Variants in TMEM132C observed in about 807,000 individuals in gnomAD.
TMEM132C encodes the protein transmembrane protein 132C, also known as protein phosphatase 1, regulatory subunit 152.
A neutral mutation model predicts 61.4 loss-of-function variants in TMEM132C; 29 were observed. The ratio of observed to expected loss-of-function variants is 0.47; its 90% CI spans 0.35 to 0.64. The LOEUF (loss-of-function observed/expected upper bound fraction) is 0.64. Ranked by LOEUF, TMEM132C falls within the 30% of genes least tolerant of loss-of-function variation. TMEM132C has a pLI of 0.00. For synonymous variants in TMEM132C, 656 were observed against 633.1 expected (o/e 1.04, Z -0.54); for missense variants, 1,408 against 1,476.9 (o/e 0.95, Z 0.76).
At chr12:128,404,763 G>A (rs1302723962) in intron 1 of TMEM132C, 1 of 152,226 alleles carries the variant, frequency 6.6e-6, no homozygotes, top group Admixed American at 6.5e-5. Context: ...TTAGTGGAAA[G>A]GCTCGTTCTC....
intron 4 of TMEM132C, among the ~76,000 whole-genome samples, chr12:128,622,354 AAAAAAAATATATATATAT>A (rs1397480038): frequency 6.0e-5 from 4 of 66,258 alleles, no homozygotes; most frequent in African/African-American, 2.5e-4. Context: ...AAAAAAAAAA[AAAAAAAATATATATATAT>A]ATATATATAT....
At position 128,483,316 on chromosome 12, in the gene TMEM132C, A is replaced by AGTGGAGGAGGGGGGAGGGGAGGAGAGGG. The variant is rs143228619; in HGVS notation, c.975-60640_975-60639insTGGAGGAGGGGGGAGGGGAGGAGAGGGG. 5.3e-5 allele frequency among the ~76,000 whole-genome samples: 4 copies of AGTGGAGGAGGGGGGAGGGGAGGAGAGGG among 74,840 alleles called. 1 individual carries two copies. The highest frequency in any genetic ancestry group is 8.2e-5 in the Non-Finnish European group (3 of 36,808). The allele number at this position is 74,840 out of a possible 152,430, so 49.1% of individuals were successfully genotyped here. ...GAAAGAGAGAGGGGGAGGTGAGGGG[A>AGTGGAGGAGGGGGGAGGGGAGGAGAGGG]GAGGAGGGGAGGGTGGAGGAAGAAG... On this transcript the variant is annotated intron_variant, in intron 2 of 8. Transcript: ENST00000435159.
intron 1 of TMEM132C, among the ~76,000 whole-genome samples, chr12:128,272,479 C>T (rs1870555855): frequency 6.6e-6 from 1 of 152,112 alleles, no homozygotes; most frequent in African/African-American, 2.4e-5. Context: ...AAATATTCAC[C>T]AACAATCTTC....
intron 4 of TMEM132C, among the ~76,000 whole-genome samples, chr12:128,624,543 CAAA>C (rs752979852): frequency 6.1e-5 from 2 of 32,898 alleles, no homozygotes; most frequent in South Asian, 1.2e-3. Context: ...GACTCCATCT[CAAA>C]AAAAAAAAAA....
intron 1 of TMEM132C, among the ~76,000 whole-genome samples, chr12:128,336,196 ATTC>A (rs200999562): frequency 0.04 from 6,127 of 152,264 alleles, 422 homozygotes; most frequent in African/African-American, 0.14. Context: ...ATAAAATAGA[ATTC>A]TTCTTGAGTT....
chr12:128,364,370 G>T (rs150573124), intron 1 of TMEM132C, among the ~76,000 whole-genome samples: 84 of 139,036 alleles, frequency 6.0e-4, no homozygotes, highest in African/African-American at 2.1e-3. Flanking sequence ...AGCTAAGCTC[G>T]CAGAGTCTTT....
intron 1 of TMEM132C, among the ~76,000 whole-genome samples, chr12:128,318,018 A>G (rs1413322398): frequency 6.6e-6 from 1 of 152,238 alleles, no homozygotes; most frequent in African/African-American, 2.4e-5. Flanking sequence ...GAAAGAGGAC[A>G]GTGTATGTGA....
chr12:128,494,339 C>G (rs7967557), intron 2 of TMEM132C, among the ~76,000 whole-genome samples: 52,545 of 152,014 alleles, frequency 0.35, 9,500 homozygotes, highest in East Asian at 0.58. Context: ...CCAGGCTTTG[C>G]TATCAGGATG....
At chr12:128,473,902 A>T (rs1300164856) in intron 2 of TMEM132C, among the ~76,000 whole-genome samples, 1 of 152,222 alleles carries the variant, frequency 6.6e-6, no homozygotes, top group East Asian at 1.9e-4. Flanking sequence ...TCTCCAAAGA[A>T]GGTCACATTG....
intron 2 of TMEM132C, among the ~76,000 whole-genome samples, chr12:128,505,964 G>T (rs896055815): frequency 2.6e-5 from 4 of 152,152 alleles, no homozygotes; most frequent in African/African-American, 9.7e-5. Flanking sequence ...ATCAGAATGG[G>T]CTGTGTTCTG....
rs1871424015 is a variant in TMEM132C at position 128,296,634 on chromosome 12, T to A, written c.85+29147T>A. ...TGTAGCCAGTCACTAGAAAGGGAGC[T>A]GGATTCGCCTTAAAGGGATAGATAG... On this transcript the variant is annotated intron_variant, in intron 1 of 8. Coordinates refer to ENST00000435159, the MANE Select transcript of TMEM132C (RefSeq NM_001136103.3). Among the ~76,000 whole-genome samples the A allele has an allele frequency of 2.6e-5, 4 of 152,284 alleles. No individual in the cohort carries two copies. In the South Asian group the frequency reaches 8.3e-4, roughly 32 times the overall value.
intron 1 of TMEM132C, among the ~76,000 whole-genome samples, chr12:128,352,354 G>T (rs1366455712): frequency 6.6e-6 from 1 of 152,136 alleles, no homozygotes; most frequent in Non-Finnish European, 1.5e-5. Context: ...GATCTCGTGA[G>T]AACTTACTCA....
chr12:128,527,851 C>T (rs1300426519), intron 2 of TMEM132C, among the ~76,000 whole-genome samples: 1 of 152,052 alleles, frequency 6.6e-6, no homozygotes, highest in Non-Finnish European at 1.5e-5. Context: ...CAGGGATCAA[C>T]CACTCACTCT....
intron 1 of TMEM132C, among the ~76,000 whole-genome samples, chr12:128,399,354 T>A (rs1011247542): frequency 6.6e-6 from 1 of 152,236 alleles, no homozygotes; most frequent in Non-Finnish European, 1.5e-5. Flanking sequence ...TCAGGGTTAA[T>A]GTAAGTTTCC....
intron 1 of TMEM132C, among the ~76,000 whole-genome samples, chr12:128,340,236 T>C (rs918025781): frequency 5.3e-5 from 8 of 152,142 alleles, no homozygotes; most frequent in East Asian, 3.9e-4. Flanking sequence ...AGTGTTCACA[T>C]TGAAAATGTT....
chr12:128,340,239 A>G (rs1872912789), intron 1 of TMEM132C, among the ~76,000 whole-genome samples: 1 of 152,118 alleles, frequency 6.6e-6, no homozygotes, highest in Admixed American at 6.5e-5. Flanking sequence ...GTTCACATTG[A>G]AAATGTTTTT....
intron 1 of TMEM132C, among the ~76,000 whole-genome samples, chr12:128,385,627 A>G (rs1335639200): frequency 6.6e-6 from 1 of 152,220 alleles, no homozygotes; most frequent in African/African-American, 2.4e-5. Flanking sequence ...GGATACGTTA[A>G]AGATCCATTT....
chr12:128,387,122 C>T (rs1381933290), intron 1 of TMEM132C, among the ~76,000 whole-genome samples: 2 of 108,422 alleles, frequency 1.8e-5, no homozygotes, highest in African/African-American at 3.7e-5. Flanking sequence ...GCCTGGGTAA[C>T]AGAGCAAGAC....
chr12:128,632,525 T>G (rs1247309325), intron 4 of TMEM132C, among the ~76,000 whole-genome samples: 1 of 152,214 alleles, frequency 6.6e-6, no homozygotes, highest in Non-Finnish European at 1.5e-5. Flanking sequence ...CTAGTTTCTG[T>G]GCTGACACAC....
Sources: gnomAD v4.1 joint callset for allele counts (sites outside exome capture counted in the v4.1 genomes callset) on GRCh38, gnomAD v4.1.1 for gene constraint, MANE v1.5 for transcripts, NCBI Gene and HGNC (gene_info 2026-07-23, HGNC 2026-07-21) for gene names.